The following NRXN1 variants were observed in gnomAD, a reference collection of about 807,000 sequenced individuals.
The protein encoded by NRXN1 is neurexin-1.
NRXN1 carries 39 observed loss-of-function variants against 150.9 expected under a neutral mutation model. The observed-to-expected ratio is 0.26, with a 90% CI of 0.20 to 0.34. The LOEUF is 0.34. Ranked by LOEUF, NRXN1 falls within the 10% of genes least tolerant of loss-of-function variation. The pLI is 1.00. For synonymous variants in NRXN1, 924 were observed against 757.0 expected, an observed-to-expected ratio of 1.22 and a Z score of -3.62; for missense variants, 1,815 against 1,949.9, an observed-to-expected ratio of 0.93 and a Z score of 1.30.
chr2:50,353,399 C>T (rs2078564192), intron 17 of NRXN1, among the ~76,000 whole-genome samples: 1 of 152,110 alleles, frequency 6.6e-6, no homozygotes, highest in South Asian at 2.1e-4. Flanking sequence ...GTGACAAACA[C>T]TTCCTAGGCT....
intron 18 of NRXN1, among the ~76,000 whole-genome samples, chr2:50,107,856 T>C (rs1001155362): frequency 1.7e-4 from 26 of 151,928 alleles, no homozygotes; most frequent in East Asian, 1.9e-4. Context: ...ATTTGGCTCA[T>C]AATGGTCACA....
At chr2:50,934,105 C>T (rs185052307) in intron 2 of NRXN1, among the ~76,000 whole-genome samples, 62 of 152,172 alleles carry the variant, frequency 4.1e-4, no homozygotes, top group Non-Finnish European at 1.5e-4. Flanking sequence ...AAAAGCTCCT[C>T]CCTAAACATC....
intron 22 of NRXN1, among the ~76,000 whole-genome samples, chr2:49,943,307 G>A (rs1009440111): frequency 1.3e-5 from 2 of 152,226 alleles, no homozygotes; most frequent in Non-Finnish European, 2.9e-5. Context: ...AGTGAGTGGT[G>A]GGGACTTTTT....
intron 18 of NRXN1, among the ~76,000 whole-genome samples, chr2:50,153,526 T>C (rs532175969): frequency 1.2e-3 from 177 of 151,824 alleles, no homozygotes; most frequent in African/African-American, 4.1e-3. Flanking sequence ...GTTCTTCTGA[T>C]TGTTGCAGGC....
At chr2:49,934,641 A>T (rs1218479479) in intron 22 of NRXN1, among the ~76,000 whole-genome samples, 1 of 152,180 alleles carries the variant, frequency 6.6e-6, no homozygotes, top group African/African-American at 2.4e-5. Flanking sequence ...AGCATTAGGA[A>T]ATACGAAAGA....
At chr2:50,291,760 A>T (rs188875372) in intron 17 of NRXN1, among the ~76,000 whole-genome samples, 2 of 151,402 alleles carry the variant, frequency 1.3e-5, no homozygotes, top group African/African-American at 2.4e-5. Flanking sequence ...TGGTATGTCC[A>T]GGAACTTAAG....
At chr2:50,827,780 A>C (rs1670678077) in intron 5 of NRXN1, among the ~76,000 whole-genome samples, 1 of 150,956 alleles carries the variant, frequency 6.6e-6, no homozygotes, top group East Asian at 1.9e-4. Flanking sequence ...GTCCCTGGGT[A>C]CTTGAGATTA....
At chr2:50,176,320 T>G (rs1409279741) in intron 18 of NRXN1, among the ~76,000 whole-genome samples, 3 of 152,108 alleles carry the variant, frequency 2.0e-5, no homozygotes, top group Admixed American at 6.6e-5. Flanking sequence ...TTTAGAAAGT[T>G]TCCAAACAAC....
intron 21 of NRXN1, among the ~76,000 whole-genome samples, chr2:50,021,965 C>G (rs2152560512): frequency 6.6e-6 from 1 of 152,354 alleles, no homozygotes; most frequent in South Asian, 2.1e-4. Flanking sequence ...ATTCTCCTGT[C>G]TCAGACTCCC....
chr2:50,136,884 C>T (rs1221035108), intron 18 of NRXN1, among the ~76,000 whole-genome samples: 1 of 152,048 alleles, frequency 6.6e-6, no homozygotes, highest in East Asian at 1.9e-4. Flanking sequence ...AAAAATGACC[C>T]ACTTTAAGTA....
At chr2:51,029,274 TGTAGACCTG>T (rs1254508152) in intron 1 of NRXN1, 80 bp from the exon 2 acceptor site, 23 of 152,346 alleles carry the variant, frequency 1.5e-4, no homozygotes, top group South Asian at 6.2e-4. Context: ...ATAACACAAG[TGTAGACCTG>T]GTCCTATTAG....
intron 15 of NRXN1, among the ~76,000 whole-genome samples, chr2:50,480,220 G>C (rs2090358078): frequency 6.6e-6 from 1 of 152,292 alleles, no homozygotes; most frequent in Admixed American, 6.5e-5. Context: ...GAATTTATTT[G>C]TAGAAAGAGA....
intron 18 of NRXN1, among the ~76,000 whole-genome samples, chr2:50,186,392 C>T (rs540366052): frequency 0.057 from 8,715 of 152,052 alleles, 291 homozygotes; most frequent in Middle Eastern, 0.11. Context: ...TTAAAAAGTA[C>T]TTGGATGAAA....
At chr2:50,050,187 T>C (rs1692487905) in intron 21 of NRXN1, among the ~76,000 whole-genome samples, 1 of 144,064 alleles carries the variant, frequency 6.9e-6, no homozygotes, top group African/African-American at 2.6e-5. Context: ...TTTAAAAGGA[T>C]ATTTACTTTA....
chr2:50,320,283 CATATATATATATAT>C lies in NRXN1; in HGVS notation c.3365-83327_3365-83314del, dbSNP rs61282635. Among the ~76,000 whole-genome samples, 148 of 43,052 alleles carry C rather than the reference CATATATATATATAT, an allele frequency of 3.4e-3. 3 individuals are homozygous for C. The highest frequency in any genetic ancestry group is 0.012 in the South Asian group (8 of 680). The allele number at this position is 43,052 out of a possible 152,430, so 28.2% of individuals were successfully genotyped here. A position where few individuals can be genotyped will look rare whatever the true frequency, so the allele number is the denominator to read the frequency against. On this transcript the variant is annotated intron_variant, in intron 17 of 22. Transcript: ENST00000401669. ...TATTCATTTATTCTTATACCTCAAT[CATATATATATATAT>C]ATATATATATATATATATATATATA...
intron 17 of NRXN1, among the ~76,000 whole-genome samples, chr2:50,389,109 A>G (rs2081517340): frequency 6.6e-6 from 1 of 151,966 alleles, no homozygotes; most frequent in Non-Finnish European, 1.5e-5. Context: ...CAGAAGCTGC[A>G]GTGAGCTGAG....
chr2:50,152,329 T>G lies in NRXN1; in HGVS notation c.3547-60835A>C, dbSNP rs145826562. On this transcript the variant is annotated intron_variant, in intron 18 of 22. Coordinates refer to ENST00000401669, the MANE Select transcript of NRXN1 (RefSeq NM_001330078.2). ...TTTCATGACTAGATTATTTTACTTA[T>G]GACAATGTTCTCAAGGTTCATCCAT... 2.6e-5 allele frequency among the ~76,000 whole-genome samples: 4 copies of G among 151,902 alleles called. No homozygotes were observed. The East Asian group carries it at 7.8e-4, about 29-fold the overall frequency.
intron 17 of NRXN1, among the ~76,000 whole-genome samples, chr2:50,363,344 T>C (rs866139599): frequency 6.6e-6 from 1 of 152,158 alleles, no homozygotes; most frequent in Non-Finnish European, 1.5e-5. Context: ...TCTATCCATC[T>C]GGCAAAGGGC....
chr2:50,411,172 G>A (rs1030760807), intron 17 of NRXN1, among the ~76,000 whole-genome samples: 6 of 152,004 alleles, frequency 3.9e-5, no homozygotes, highest in Admixed American at 6.6e-5. Flanking sequence ...GATTGCAGGC[G>A]CGCGCCTCCA....
Sources: allele counts gnomAD v4.1 joint callset (sites outside exome capture counted in the v4.1 genomes callset), GRCh38; gene constraint gnomAD v4.1.1; transcripts MANE v1.5; gene names NCBI Gene and HGNC (gene_info 2026-07-23, HGNC 2026-07-21).